SHROOM4: variants seen among roughly 807,000 people sequenced by gnomAD.
SHROOM4 encodes protein Shroom4.
A neutral mutation model predicts 80.3 loss-of-function variants in SHROOM4; 17 were observed. The observed-to-expected ratio is 0.21, with a 90% confidence interval of 0.14 to 0.32. The LOEUF (loss-of-function observed/expected upper bound fraction) is 0.32. SHROOM4 is among the 10% of genes least tolerant of loss of function. The pLI is 1.00. For missense variants in SHROOM4, 993 were observed against 1,140.3 expected (o/e 0.87, Z 1.86); for synonymous variants, 400 against 437.5 (o/e 0.91, Z 1.07).
intron 1 of SHROOM4, among the ~76,000 whole-genome samples, chrX:50,779,740 T>G (rs1935583715): frequency 8.9e-6 from 1 of 112,054 alleles, no homozygotes; most frequent in Non-Finnish European, 1.9e-5. Context: ...TCTCTGGTTC[T>G]TCCTTCCTGC....
the SHROOM4 span, among the ~76,000 whole-genome samples, chrX:50,576,948 A>T: frequency 1.8e-5 from 2 of 112,230 alleles, no homozygotes; most frequent in Non-Finnish European, 3.8e-5. Context: ...ATTTTTATTT[A>T]AACTATCAAA....
At chrX:50,683,355 A>G (rs1932984948) in intron 2 of SHROOM4, among the ~76,000 whole-genome samples, 1 of 111,310 alleles carries the variant, frequency 9.0e-6, no homozygotes. Flanking sequence ...AGGAGTTTGG[A>G]TTTTAACCTG....
chrX:50,648,669 G>A (rs1265792999), intron 2 of SHROOM4, among the ~76,000 whole-genome samples: 1 of 112,419 alleles, frequency 8.9e-6, no homozygotes, highest in African/African-American at 3.2e-5. Flanking sequence ...TTTTGGAAGA[G>A]TCAATACAAT....
At chrX:50,743,071 T>C (rs1430746238) in intron 1 of SHROOM4, among the ~76,000 whole-genome samples, 1 of 108,792 alleles carries the variant, frequency 9.2e-6, no homozygotes, top group Non-Finnish European at 1.9e-5. Context: ...CTCTTTCAAT[T>C]GACTCCAGTG....
At chrX:50,696,779 C>T (rs1325508937) in intron 1 of SHROOM4, among the ~76,000 whole-genome samples, 5 of 112,091 alleles carry the variant, frequency 4.5e-5, no homozygotes, top group Non-Finnish European at 9.4e-5. Context: ...AGAATTTCCA[C>T]TAACCAGGGC....
chrX:50,592,211 G>A lies in SHROOM4; in HGVS notation c.*4484C>T. 1 of 327,697 alleles carries A rather than the reference G, an allele frequency of 3.1e-6. No homozygotes were observed. The highest frequency in any genetic ancestry group is 2.6e-5 in the South Asian group (1 of 38,321). 27.0% of individuals were successfully genotyped at this position (327,697 alleles called of 1,213,427 possible). A position where few individuals can be genotyped will look rare whatever the true frequency, so the allele number is the denominator to read the frequency against. The stretch of plus-strand genomic sequence containing the variant: ...ATAATGGTTACCATGTACTGAATAT[G>A]TTTTCAACAAGTCAGTACTTCCCAT... On this transcript the variant is annotated 3_prime_UTR_variant, in exon 9 of 9. Transcript: ENST00000376020.
chrX:50,579,480 C>A, the SHROOM4 span, among the ~76,000 whole-genome samples: 1 of 111,835 alleles, frequency 8.9e-6, no homozygotes, highest in Non-Finnish European at 1.9e-5. Context: ...CCCCTCTATC[C>A]TCTTGGCAAA....
At chrX:50,636,266 C>G (rs1931353972) in intron 3 of SHROOM4, among the ~76,000 whole-genome samples, 1 of 110,441 alleles carries the variant, frequency 9.1e-6, no homozygotes, top group Admixed American at 9.6e-5. Flanking sequence ...ATCCAGCAAT[C>G]ACACTTTTGA....
the SHROOM4 span, among the ~76,000 whole-genome samples, chrX:50,577,368 C>T: frequency 2.7e-5 from 3 of 112,519 alleles, no homozygotes; most frequent in Non-Finnish European, 5.6e-5. Flanking sequence ...GAGGGTGCCT[C>T]TGAAGTTGTG....
At chrX:50,610,932 G>A (rs1435901881) in intron 5 of SHROOM4, among the ~76,000 whole-genome samples, 40 of 111,078 alleles carry the variant, frequency 3.6e-4, no homozygotes, top group Non-Finnish European at 2.3e-4. Context: ...GACTGTTTCA[G>A]CTGATGACAG....
chrX:50,654,047 TG>T (rs1258649715), intron 2 of SHROOM4, among the ~76,000 whole-genome samples: 4 of 111,744 alleles, frequency 3.6e-5, no homozygotes, highest in African/African-American at 1.3e-4. Context: ...TTGGCTCTTG[TG>T]GGGTGCTGCT....
chrX:50,693,811 A>G (rs1557262806), intron 2 of SHROOM4, among the ~76,000 whole-genome samples: 1 of 110,496 alleles, frequency 9.1e-6, no homozygotes, highest in East Asian at 2.8e-4. Context: ...CAAACTATTG[A>G]ACACTAGATC....
At chrX:50,783,825 C>T (rs1283349713) in intron 1 of SHROOM4, among the ~76,000 whole-genome samples, 7 of 111,943 alleles carry the variant, frequency 6.3e-5, no homozygotes, top group Admixed American at 2.8e-4. Context: ...ATCCACCCGC[C>T]TCAGCCACCC....
At chrX:50,785,780 C>T (rs1416719196) in intron 1 of SHROOM4, among the ~76,000 whole-genome samples, 3 of 111,113 alleles carry the variant, frequency 2.7e-5, no homozygotes, top group African/African-American at 6.6e-5. Flanking sequence ...AATTTATATA[C>T]GTATTTATAC....
At chrX:50,794,296 G>A (rs1413888877) in intron 1 of SHROOM4, among the ~76,000 whole-genome samples, 3 of 110,980 alleles carry the variant, frequency 2.7e-5, no homozygotes, top group African/African-American at 6.6e-5. Context: ...TAACAGTACC[G>A]TGATCCTTCA....
chrX:50,593,804 T>A lies in SHROOM4; in HGVS notation c.*2891A>T, dbSNP rs1239497587. 8.9e-6 allele frequency: 1 copy of A among 112,384 alleles called. No individual in the cohort carries two copies. The highest frequency in any genetic ancestry group is 1.9e-5 in the Non-Finnish European group (1 of 53,306). 9.3% of individuals were successfully genotyped at this position (112,384 alleles called of 1,213,427 possible). ...CTAACCTTGAAGGAGGCTTTTTATC[T>A]TTTCACCTCTCCTTTTCTTTGCTTC... On this transcript the variant is annotated 3_prime_UTR_variant, in exon 9 of 9. Coordinates refer to ENST00000376020, the MANE Select transcript of SHROOM4 (RefSeq NM_020717.5).
intron 2 of SHROOM4, among the ~76,000 whole-genome samples, chrX:50,688,657 A>G (rs1024808205): frequency 1.8e-5 from 2 of 111,560 alleles, no homozygotes; most frequent in Non-Finnish European, 3.8e-5. Context: ...GTGTGACACA[A>G]AAAGCCTAAA....
intron 6 of SHROOM4, among the ~76,000 whole-genome samples, chrX:50,604,391 C>G: frequency 8.9e-6 from 1 of 111,915 alleles, no homozygotes; most frequent in African/African-American, 3.3e-5. Context: ...AAATGACAGA[C>G]CTGCAATTTG....
Position 50,633,171 on chromosome X carries a change from T to C in SHROOM4, c.2895+7A>G. Reference sequence around the variant, plus strand: ...GAAGGTTACCCACCCAAGAACCAAGTCCTCACCTGCACTGTCAGCTTCCTG... The same window carrying C: ...GAAGGTTACCCACCCAAGAACCAAGCCCTCACCTGCACTGTCAGCTTCCTG... On this transcript the variant is annotated splice_region_variant and intron_variant, in intron 4 of 8. Coordinates refer to ENST00000376020, the MANE Select transcript of SHROOM4 (RefSeq NM_020717.5). 1 of 1,208,507 alleles carries C rather than the reference T, an allele frequency of 8.3e-7. No individual in the cohort carries two copies. The highest frequency in any genetic ancestry group is 1.1e-6 in the Non-Finnish European group (1 of 893,240).
Sources: gnomAD v4.1 joint callset for allele counts (sites outside exome capture counted in the v4.1 genomes callset) on GRCh38, gnomAD v4.1.1 for gene constraint, MANE v1.5 for transcripts, NCBI Gene and HGNC (gene_info 2026-07-23, HGNC 2026-07-21) for gene names.